VAV2: variants seen among roughly 807,000 people sequenced by gnomAD.
VAV2 encodes vav guanine nucleotide exchange factor 2.
VAV2 carries 67 observed loss-of-function variants against 132.5 expected under a neutral mutation model. That is an observed-to-expected ratio of 0.51 (90% CI 0.42 to 0.62). VAV2 has a LOEUF of 0.62. Among genes scored for constraint, VAV2 ranks in the 20% least tolerant of loss-of-function variants. The pLI, the probability that VAV2 is intolerant of heterozygous loss-of-function variation, is 0.00. For missense variants in VAV2, 938 were observed against 1,153.6 expected (o/e 0.81, Z 2.71); for synonymous variants, 492 against 443.5 (o/e 1.11, Z -1.37).
intron 2 of VAV2, among the ~76,000 whole-genome samples, chr9:133,933,011 G>A (rs1433738473): frequency 4.0e-5 from 2 of 49,534 alleles, no homozygotes; most frequent in African/African-American, 7.8e-5. Context: ...CCAAGGGCCA[G>A]TGGGCGGAGA....
rs889190389 is a variant in VAV2, at chr9:133,771,066, T to TC, written c.2224-566_2224-565insG. On this transcript the variant is annotated intron_variant, in intron 26 of 29. Transcript: ENST00000371850. ...GGGGATGGGATTATGGATTTTCTTT[T>TC]TTTTTTTTTTTTTTTGAGACAGAGT... Among the ~76,000 whole-genome samples, 9 of 147,448 alleles carry TC rather than the reference T, an allele frequency of 6.1e-5. No individual in the cohort carries two copies. The South Asian group carries it at 6.6e-4, about 11-fold the overall frequency.
At chr9:133,894,463 G>T (rs1003593699) in intron 2 of VAV2, among the ~76,000 whole-genome samples, 3 of 152,190 alleles carry the variant, frequency 2.0e-5, no homozygotes, top group African/African-American at 7.2e-5. Context: ...GGTGGAAACC[G>T]CCTTTACGCC....
intron 2 of VAV2, among the ~76,000 whole-genome samples, chr9:133,909,945 C>T (rs898060106): frequency 1.3e-5 from 2 of 152,154 alleles, no homozygotes; most frequent in Non-Finnish European, 2.9e-5. Flanking sequence ...TCCCATCCTC[C>T]ATCCTCCCCT....
intron 2 of VAV2, among the ~76,000 whole-genome samples, chr9:133,864,333 G>A (rs778192625): frequency 7.9e-5 from 12 of 152,164 alleles, no homozygotes; most frequent in African/African-American, 2.7e-4. Flanking sequence ...CACCTGCACC[G>A]CCAGCTCCCA....
chr9:133,961,037 G>C lies in VAV2; in HGVS notation c.205-21818C>G, dbSNP rs768336125. On this transcript the variant is annotated intron_variant, in intron 1 of 29. Coordinates refer to ENST00000371850, the MANE Select transcript of VAV2 (RefSeq NM_001134398.2). This position sits in a 1 kb window ranked among gnomAD's most constrained non-coding sequence, Gnocchi z 4.1. ...AATGCGACGCCTGCCTGGGAGCGCA[G>C]GTGAGGGAGCAGGGGCCTCCACTGG... 3.9e-5 allele frequency among the ~76,000 whole-genome samples: 6 copies of C among 152,230 alleles called. No individual in the cohort carries two copies. The highest frequency in any genetic ancestry group is 5.9e-5 in the Non-Finnish European group (4 of 68,038).
rs753602666 is a variant in VAV2 at position 133,796,440 on chromosome 9, G to A, written c.1021C>T (p.Leu341=). 1.9e-6 allele frequency: 3 copies of A among 1,613,498 alleles called. No individual in the cohort carries two copies. Among genetic ancestry groups the A allele is most frequent in the Non-Finnish European group, 2.5e-6 (3 of 1,179,876 alleles). The part of the protein sequence containing the change: ...VPMQRVLKYH[L]LLKELLSHSA... ...GCCCAGAGCCTCACCTTCAAGAGCAGGTGGTATTTGAGCACCCTCTGCATG... is the reference window on the plus strand; with the variant it reads ...GCCCAGAGCCTCACCTTCAAGAGCAAGTGGTATTTGAGCACCCTCTGCATG... The change falls in exon 11 of 30, where the codon CTG becomes TTG. Residue 341 remains leucine (L), a synonymous_variant. Transcript: ENST00000371850.
At chr9:133,947,087 C>A (rs1841385167) in intron 1 of VAV2, among the ~76,000 whole-genome samples, 1 of 152,218 alleles carries the variant, frequency 6.6e-6, no homozygotes, top group Non-Finnish European at 1.5e-5. Context: ...GCCCTGCTTT[C>A]TCCTCAAGCA....
intron 29 of VAV2, among the ~76,000 whole-genome samples, chr9:133,764,614 C>T (rs953492677): frequency 4.6e-5 from 7 of 151,964 alleles, no homozygotes; most frequent in South Asian, 2.1e-4. Context: ...CTGAAACATA[C>T]GATGAATGAA....
At chr9:133,798,719 G>A (rs1834817349) in intron 9 of VAV2, among the ~76,000 whole-genome samples, 1 of 152,242 alleles carries the variant, frequency 6.6e-6, no homozygotes, top group Non-Finnish European at 1.5e-5. Context: ...ACTCGCTGAG[G>A]CAGCTGCTGC....
chr9:133,992,111 G>A lies in VAV2; in HGVS notation c.168C>T (p.Asp56=), dbSNP rs753660101. 5.7e-6 allele frequency: 9 copies of A among 1,591,382 alleles called. No individual in the cohort carries two copies. In the East Asian group the frequency reaches 2.1e-4, roughly 37 times the overall value. The change falls in exon 1 of 30, where the codon GAC becomes GAT. Residue 56 remains aspartate (D), a synonymous_variant. Transcript: ENST00000371850. This position sits in a 1 kb window ranked among gnomAD's most constrained non-coding sequence, Gnocchi z 5.5. ...LLHNLSPGSI[D]LKDINFRPQM... is the part of the protein sequence containing the mutation. The stretch of plus-strand genomic sequence containing the variant: ...GCGGCCGGAAGTTGATGTCCTTGAG[G>A]TCGATGGAGCCGGGGGAGAGGTTGT...
chr9:133,873,627 T>C (rs1335420363), intron 2 of VAV2, among the ~76,000 whole-genome samples: 1 of 152,184 alleles, frequency 6.6e-6, no homozygotes, highest in African/African-American at 2.4e-5. Context: ...ACGGAAGCCC[T>C]GTGTCCCAGG....
intron 1 of VAV2, among the ~76,000 whole-genome samples, chr9:133,940,678 T>C (rs199690188): frequency 3.5e-5 from 2 of 57,890 alleles, no homozygotes; most frequent in Non-Finnish European, 7.9e-5. Flanking sequence ...CGTGCGTGTG[T>C]GTGTGTGTGT....
intron 4 of VAV2, among the ~76,000 whole-genome samples, chr9:133,820,970 C>T (rs141886231): frequency 1.5e-4 from 23 of 152,312 alleles, no homozygotes; most frequent in African/African-American, 5.1e-4. Flanking sequence ...GCCCTCCACG[C>T]AATCCCACAG....
At chr9:133,985,574 GCCCGGC>G (rs1407906412) in intron 1 of VAV2, among the ~76,000 whole-genome samples, 1 of 152,086 alleles carries the variant, frequency 6.6e-6, no homozygotes, top group Non-Finnish European at 1.5e-5. Context: ...GAGCCATCGC[GCCCGGC>G]CCTGATCTTG....
chr9:133,764,217 G>A, intron 29 of VAV2, 108 bp from the exon 30 acceptor site: 4 of 1,426,426 alleles, frequency 2.8e-6, no homozygotes, highest in Non-Finnish European at 1.9e-6. Flanking sequence ...AAGATGGGGG[G>A]CCCTTCGGAA....
At chr9:133,791,229 C>T (rs1268216390) in intron 13 of VAV2, among the ~76,000 whole-genome samples, 3 of 152,282 alleles carry the variant, frequency 2.0e-5, no homozygotes, top group Admixed American at 2.0e-4. Context: ...GTGACTGACT[C>T]GGTAGCCCAA....
At chr9:133,852,116 T>G (rs1020608423) in intron 3 of VAV2, among the ~76,000 whole-genome samples, 1 of 151,468 alleles carries the variant, frequency 6.6e-6, no homozygotes, top group Non-Finnish European at 1.5e-5. Flanking sequence ...GAAGAATGGA[T>G]GGGTGGATGG....
chr9:133,786,568 T>C (rs1588172340), intron 16 of VAV2, among the ~76,000 whole-genome samples: 1 of 152,200 alleles, frequency 6.6e-6, no homozygotes, highest in Admixed American at 6.5e-5. Flanking sequence ...CCACTTTCAC[T>C]TCCTAAATGT....
intron 2 of VAV2, among the ~76,000 whole-genome samples, chr9:133,894,739 A>C (rs895270315): frequency 1.3e-5 from 2 of 152,146 alleles, no homozygotes; most frequent in Admixed American, 6.5e-5. Context: ...GCACCCCAAG[A>C]GGCTCCAGAT....
Sources: allele counts gnomAD v4.1 joint callset (sites outside exome capture counted in the v4.1 genomes callset), GRCh38; gene constraint gnomAD v4.1.1; non-coding constraint Gnocchi (gnomAD v3.1); transcripts MANE v1.5; gene names NCBI Gene and HGNC (gene_info 2026-07-23, HGNC 2026-07-21).